CSMD1: variants seen among roughly 807,000 people sequenced by gnomAD.
CSMD1 encodes CUB and Sushi multiple domains 1.
In CSMD1, 213 loss-of-function variants were observed where a neutral mutation model predicts 417.5. The ratio of observed to expected loss-of-function variants is 0.51; its 90% CI spans 0.46 to 0.57. The LOEUF (loss-of-function observed/expected upper bound fraction) is 0.57, where lower values mean the gene tolerates loss of function less well. Ranked by LOEUF, CSMD1 falls within the 20% of genes least tolerant of loss-of-function variation. The pLI, the probability that CSMD1 is intolerant of heterozygous loss-of-function variation, is 0.00. For missense variants in CSMD1, 6,923 were observed against 4,529.7 expected (o/e 1.53, Z -15.17); for synonymous variants, 2,862 against 1,736.8 (o/e 1.65, Z -16.11).
At chr8:4,042,616 G>T (rs1395158867) in intron 3 of CSMD1, among the ~76,000 whole-genome samples, 6 of 151,578 alleles carry the variant, frequency 4.0e-5, no homozygotes, top group Non-Finnish European at 7.4e-5. Flanking sequence ...TACCCGTATG[G>T]GGAATTATAA....
intron 2 of CSMD1, among the ~76,000 whole-genome samples, chr8:4,564,149 A>G (rs1285212381): frequency 6.6e-6 from 1 of 152,222 alleles, no homozygotes; most frequent in Non-Finnish European, 1.5e-5. Context: ...CACGTATAAA[A>G]GGTTCAGAAG....
chr8:4,537,954 A>C (rs1411668672), intron 2 of CSMD1, among the ~76,000 whole-genome samples: 1 of 152,252 alleles, frequency 6.6e-6, no homozygotes, highest in Non-Finnish European at 1.5e-5. Context: ...TGACAAACCA[A>C]TTTGCTTTTA....
chr8:4,193,668 G>A (rs1799168207), intron 3 of CSMD1, among the ~76,000 whole-genome samples: 1 of 152,106 alleles, frequency 6.6e-6, no homozygotes, highest in African/African-American at 2.4e-5. Context: ...CCCAAACACG[G>A]CAAACCACAG....
At chr8:3,382,606 TATA>T (rs201220214) in intron 18 of CSMD1, among the ~76,000 whole-genome samples, 9,346 of 143,798 alleles carry the variant, frequency 0.065, 356 homozygotes, top group East Asian at 0.16. Context: ...CTATATAATA[TATA>T]ATAATAAATA....
At chr8:3,689,150 A>C (rs1443370646) in intron 7 of CSMD1, among the ~76,000 whole-genome samples, 1 of 152,176 alleles carries the variant, frequency 6.6e-6, no homozygotes, top group Non-Finnish European at 1.5e-5. Flanking sequence ...GTTGTGAGAC[A>C]ACGCGCTCTA....
At chr8:4,522,004 A>G (rs758459856) in intron 2 of CSMD1, among the ~76,000 whole-genome samples, 6 of 152,184 alleles carry the variant, frequency 3.9e-5, no homozygotes, top group Non-Finnish European at 8.8e-5. Context: ...TTTGAAAATC[A>G]AGTGAACTGT....
Position 4,300,897 on chromosome 8 carries a change from G to C in CSMD1, c.415+119056C>G, listed in dbSNP as rs374609575. Among the ~76,000 whole-genome samples the C allele has an allele frequency of 1.4e-4, 22 of 152,266 alleles. 2 individuals are homozygous for C. Among genetic ancestry groups the C allele is most frequent in the East Asian group, 1.2e-3 (6 of 5,190 alleles). ...TTTTATGGCTACATAGTATTCCATG[G>C]TGTATATGTGCCACATTTTCTTAAT... On this transcript the variant is annotated intron_variant, in intron 3 of 69. Transcript: ENST00000635120.
At chr8:3,861,364 A>G (rs762755064) in intron 5 of CSMD1, among the ~76,000 whole-genome samples, 15 of 152,238 alleles carry the variant, frequency 9.9e-5, no homozygotes, top group Admixed American at 5.9e-4. Context: ...AAAGTAAAAT[A>G]TGAGCTGTCT....
At chr8:3,227,185 A>G (rs111504408) in intron 27 of CSMD1, among the ~76,000 whole-genome samples, 24,110 of 151,924 alleles carry the variant, frequency 0.16, 2,188 homozygotes, top group East Asian at 0.27. Context: ...CAGATCATGA[A>G]GTCAGGAATT....
intron 10 of CSMD1, among the ~76,000 whole-genome samples, chr8:3,523,321 ATT>A (rs1490102144): frequency 5.9e-5 from 9 of 152,198 alleles, no homozygotes; most frequent in Admixed American, 5.9e-4. Context: ...TTACTAAATT[ATT>A]TTGTTCTATT....
chr8:3,917,775 C>T (rs375570766), intron 5 of CSMD1, among the ~76,000 whole-genome samples: 25 of 152,174 alleles, frequency 1.6e-4, no homozygotes, highest in African/African-American at 5.8e-4. Flanking sequence ...GCCAAAGATT[C>T]CCCCCACACC....
At position 4,264,022 on chromosome 8, in the gene CSMD1, C is replaced by G. The variant is rs144540605; in HGVS notation, c.415+155931G>C. 4.9e-3 allele frequency among the ~76,000 whole-genome samples: 749 copies of G among 152,252 alleles called. 7 individuals are homozygous for G. The highest frequency in any genetic ancestry group is 0.017 in the African/African-American group (707 of 41,548). ...AAGTAAATCAGATCGTTCTTATTGA[C>G]TAGCTCCATGAACTTGGGCAAGTTT... On this transcript the variant is annotated intron_variant, in intron 3 of 69. Coordinates refer to ENST00000635120, the MANE Select transcript of CSMD1 (RefSeq NM_033225.6).
chr8:4,942,473 T>A (rs995760498), intron 1 of CSMD1, among the ~76,000 whole-genome samples: 2 of 152,228 alleles, frequency 1.3e-5, no homozygotes, highest in African/African-American at 4.8e-5. Flanking sequence ...TTTCACATTT[T>A]AAAAAATATT....
intron 5 of CSMD1, among the ~76,000 whole-genome samples, chr8:3,830,742 A>C (rs930757983): frequency 6.6e-6 from 1 of 152,296 alleles, no homozygotes; most frequent in East Asian, 1.9e-4. Flanking sequence ...AAAATATAAT[A>C]ATTATTCAAA....
intron 5 of CSMD1, among the ~76,000 whole-genome samples, chr8:3,823,931 C>G (rs1055850274): frequency 2.0e-5 from 3 of 152,124 alleles, no homozygotes; most frequent in Non-Finnish European, 4.4e-5. Flanking sequence ...CTTTACATCT[C>G]TGGTAATTTT....
intron 7 of CSMD1, among the ~76,000 whole-genome samples, chr8:3,653,586 G>C (rs971433668): frequency 3.9e-5 from 6 of 152,174 alleles, no homozygotes; most frequent in Non-Finnish European, 5.9e-5. Flanking sequence ...TGGGATTTCA[G>C]GTGTGAGCCA....
intron 5 of CSMD1, among the ~76,000 whole-genome samples, chr8:3,927,161 G>C (rs1042070431): frequency 6.6e-6 from 1 of 151,814 alleles, no homozygotes; most frequent in African/African-American, 2.4e-5. Context: ...TTGTCATAAA[G>C]TTTTGAAGCT....
chr8:3,482,634 C>T (rs1371863244), intron 11 of CSMD1, among the ~76,000 whole-genome samples: 1 of 152,176 alleles, frequency 6.6e-6, no homozygotes, highest in African/African-American at 2.4e-5. Context: ...AATCAACCAA[C>T]AGGATCTAAC....
chr8:4,677,503 C>G (rs560659854), intron 1 of CSMD1, among the ~76,000 whole-genome samples: 6 of 152,172 alleles, frequency 3.9e-5, no homozygotes, highest in African/African-American at 1.4e-4. Flanking sequence ...ATGTTCAAGC[C>G]AGAAGAAATT....
Sources: gnomAD v4.1 joint callset for allele counts (sites outside exome capture counted in the v4.1 genomes callset) on GRCh38, gnomAD v4.1.1 for gene constraint, MANE v1.5 for transcripts, NCBI Gene and HGNC (gene_info 2026-07-23, HGNC 2026-07-21) for gene names.